Variants in EPHB1 observed in about 807,000 individuals in gnomAD.
EPHB1 encodes the protein EPH receptor B1.
EPHB1 carries 30 observed loss-of-function variants against 94.4 expected under a neutral mutation model. The observed-to-expected ratio is 0.32, with a 90% CI of 0.24 to 0.43. EPHB1 has a LOEUF of 0.43. EPHB1 is among the 20% of genes least tolerant of loss of function. The pLI, the probability that EPHB1 is intolerant of heterozygous loss-of-function variation, is 1.00. For synonymous variants in EPHB1, 522 were observed against 489.1 expected (o/e 1.07, Z -0.89); for missense variants, 1,055 against 1,308.3 (o/e 0.81, Z 2.99).
chr3:135,228,623 A>C (rs902828012), intron 12 of EPHB1, among the ~76,000 whole-genome samples: 6 of 152,244 alleles, frequency 3.9e-5, no homozygotes, highest in African/African-American at 9.6e-5. Context: ...GAGGCACTTT[A>C]ATATTCTTAA....
chr3:135,145,572 A>C (rs1326372599), intron 5 of EPHB1, among the ~76,000 whole-genome samples: 1 of 152,178 alleles, frequency 6.6e-6, no homozygotes, highest in East Asian at 1.9e-4. Flanking sequence ...CACACTTTAT[A>C]CTTCAGGGAG....
At chr3:135,221,505 C>T (rs548845854) in intron 12 of EPHB1, among the ~76,000 whole-genome samples, 1 of 152,312 alleles carries the variant, frequency 6.6e-6, no homozygotes, top group South Asian at 2.1e-4. Flanking sequence ...GTTTTTATCA[C>T]ATTTCCAATC....
rs2036871661 is a variant in EPHB1 at position 134,846,336 on chromosome 3, C to T, written c.58+50647C>T. On this transcript the variant is annotated intron_variant, in intron 1 of 15. Transcript: ENST00000398015. Reference sequence around the variant, plus strand: ...GCTTGCACGTTGCAATCTGCCGGGGCAGGGCTCCGAGGCCCCATTTGGAGG... The same window carrying T: ...GCTTGCACGTTGCAATCTGCCGGGGTAGGGCTCCGAGGCCCCATTTGGAGG... 4.6e-5 allele frequency among the ~76,000 whole-genome samples: 7 copies of T among 152,216 alleles called. No homozygotes were observed. In the South Asian group the frequency reaches 1.5e-3, roughly 32 times the overall value.
chr3:135,241,768 C>G (rs1943790300), intron 13 of EPHB1, among the ~76,000 whole-genome samples: 4 of 152,208 alleles, frequency 2.6e-5, no homozygotes, highest in Non-Finnish European at 2.9e-5. Flanking sequence ...CTGTGTGGGA[C>G]TTGTACCTCT....
chr3:135,145,099 T>TA (rs896018763), intron 5 of EPHB1, among the ~76,000 whole-genome samples: 1 of 152,230 alleles, frequency 6.6e-6, no homozygotes, highest in Non-Finnish European at 1.5e-5. Context: ...TCTTCTAATG[T>TA]AAAATTCAAG....
chr3:135,005,880 C>G (rs945690702), intron 3 of EPHB1, among the ~76,000 whole-genome samples: 3 of 152,336 alleles, frequency 2.0e-5, no homozygotes, highest in African/African-American at 2.4e-5. Flanking sequence ...GTGAGATGAA[C>G]CCAGTACCTC....
At chr3:134,921,661 A>G (rs1464241281) in intron 1 of EPHB1, among the ~76,000 whole-genome samples, 1 of 152,236 alleles carries the variant, frequency 6.6e-6, no homozygotes, top group Non-Finnish European at 1.5e-5. Context: ...ATTCTTAAAG[A>G]TACTTTATCG....
At chr3:134,969,700 A>C (rs1268979928) in intron 3 of EPHB1, among the ~76,000 whole-genome samples, 1 of 152,084 alleles carries the variant, frequency 6.6e-6, no homozygotes, top group Non-Finnish European at 1.5e-5. Flanking sequence ...TAAAAATCAG[A>C]CTTGAAATCA....
intron 3 of EPHB1, among the ~76,000 whole-genome samples, chr3:135,001,355 T>C (rs1318566018): frequency 6.6e-6 from 1 of 152,196 alleles, no homozygotes; most frequent in Non-Finnish European, 1.5e-5. Context: ...GCAGTGGCGA[T>C]GTGTCCAGGG....
At chr3:134,922,613 C>T (rs1273431779) in intron 1 of EPHB1, among the ~76,000 whole-genome samples, 1 of 152,218 alleles carries the variant, frequency 6.6e-6, no homozygotes, top group Non-Finnish European at 1.5e-5. Context: ...TTATTTGATT[C>T]TGGACTCTGT....
At chr3:135,130,262 G>T (rs1354446998) in intron 4 of EPHB1, among the ~76,000 whole-genome samples, 1 of 152,178 alleles carries the variant, frequency 6.6e-6, no homozygotes, top group East Asian at 1.9e-4. Flanking sequence ...TTGTGCTAAT[G>T]GTCCATGTGT....
intron 3 of EPHB1, among the ~76,000 whole-genome samples, chr3:134,980,949 T>A (rs1934378717): frequency 6.6e-6 from 1 of 152,154 alleles, no homozygotes. Context: ...AACAGATTCC[T>A]GGGAATTCAA....
At chr3:134,957,417 G>A (rs1310232903) in intron 3 of EPHB1, among the ~76,000 whole-genome samples, 1 of 152,182 alleles carries the variant, frequency 6.6e-6, no homozygotes, top group African/African-American at 2.4e-5. Context: ...GATGAAGAAG[G>A]AGTCTGGGAG....
Position 134,817,674 on chromosome 3 carries a change from C to G in EPHB1, c.58+21985C>G, listed in dbSNP as rs114754865. On this transcript the variant is annotated intron_variant, in intron 1 of 15. Coordinates refer to ENST00000398015, the MANE Select transcript of EPHB1 (RefSeq NM_004441.5). ...GGATGATGTGGTCCAACCTCTTTCT[C>G]TTTGAGCTCTTCAGTAAGAGGTTGT... is the stretch of plus-strand genomic sequence containing the variant. Among the ~76,000 whole-genome samples, 874 of 152,358 alleles carry G rather than the reference C, an allele frequency of 5.7e-3. 9 individuals carry two copies. Among genetic ancestry groups the G allele is most frequent in the African/African-American group, 0.02 (822 of 41,580 alleles).
intron 15 of EPHB1, among the ~76,000 whole-genome samples, chr3:135,253,485 CTTGT>C (rs1387576525): frequency 3.4e-4 from 52 of 151,820 alleles, no homozygotes; most frequent in African/African-American, 1.3e-3. Flanking sequence ...TTCCCCATTG[CTTGT>C]TTTTCTCAGG....
At chr3:135,152,821 G>T (rs1941234711) in intron 5 of EPHB1, among the ~76,000 whole-genome samples, 1 of 152,126 alleles carries the variant, frequency 6.6e-6, no homozygotes, top group Middle Eastern at 3.2e-3. Context: ...ACTGCAGAGT[G>T]CAGGAACTGG....
chr3:135,183,791 T>G (rs568323376), intron 10 of EPHB1, among the ~76,000 whole-genome samples: 3 of 152,334 alleles, frequency 2.0e-5, no homozygotes, highest in Admixed American at 6.5e-5. Flanking sequence ...AGGGATTGCC[T>G]GTGGGTAAGT....
intron 3 of EPHB1, among the ~76,000 whole-genome samples, chr3:135,078,515 A>G (rs187145049): frequency 6.6e-6 from 1 of 152,316 alleles, no homozygotes; most frequent in Non-Finnish European, 1.5e-5. Context: ...TGCCCTGAAC[A>G]CTGCAAAACT....
In EPHB1 at chr3:134,873,910, G is replaced by C. The variant is rs139750016; in HGVS notation, c.59-51906G>C. ...AATCCTATTGTGAGGTCATGGGGCA[G>C]TAGTTTGTCACTCAGGTTAGCAAGG... is the stretch of plus-strand genomic sequence containing the variant. On this transcript the variant is annotated intron_variant, in intron 1 of 15. Transcript: ENST00000398015. Among the ~76,000 whole-genome samples the C allele has an allele frequency of 2.7e-3, 404 of 152,308 alleles. 2 individuals carry two copies. Among genetic ancestry groups the C allele is most frequent in the African/African-American group, 9.4e-3 (389 of 41,568 alleles).
Sources: allele counts gnomAD v4.1 joint callset (sites outside exome capture counted in the v4.1 genomes callset), GRCh38; gene constraint gnomAD v4.1.1; transcripts MANE v1.5; gene names NCBI Gene and HGNC (gene_info 2026-07-23, HGNC 2026-07-21).